MTIF3: variants seen among roughly 807,000 people sequenced by gnomAD.
The protein encoded by MTIF3 is mitochondrial translational initiation factor 3.
MTIF3 carries 13 observed loss-of-function variants against 20.7 expected under a neutral mutation model. That is an observed-to-expected ratio of 0.63 (90% CI 0.41 to 1.00). The LOEUF (loss-of-function observed/expected upper bound fraction) is 1.00, where lower values mean the gene tolerates loss of function less well. Among genes scored for constraint, MTIF3 ranks in the 50% least tolerant of loss-of-function variants. The pLI is 0.00. For missense variants in MTIF3, 295 were observed against 324.5 expected, an observed-to-expected ratio of 0.91 and a Z score of 0.70; for synonymous variants, 114 against 112.5, an observed-to-expected ratio of 1.01 and a Z score of -0.08.
intron 3 of MTIF3, 30 bp from the exon 4 acceptor site, chr13:27,437,303 T>C (rs760034531): frequency 6.2e-7 from 1 of 1,604,450 alleles, no homozygotes; most frequent in Non-Finnish European, 8.5e-7. Flanking sequence ...GTGCAAGGAC[T>C]ACTGACTAGT....
At chr13:27,446,008 T>C (rs1954170963) in intron 1 of MTIF3, among the ~76,000 whole-genome samples, 3 of 152,042 alleles carry the variant, frequency 2.0e-5, no homozygotes, top group Admixed American at 1.3e-4. Flanking sequence ...GGGGAAAATC[T>C]GAATAGGGAC....
intron 2 of MTIF3, 41 bp from the exon 3 acceptor site, chr13:27,440,490 T>C: frequency 6.8e-7 from 1 of 1,472,196 alleles, no homozygotes; most frequent in South Asian, 1.3e-5. Flanking sequence ...ATTCAATCAC[T>C]TATTCCCTTG....
In MTIF3 at chr13:27,440,449, C is replaced by G; in HGVS notation, c.-1G>C. The G allele has an allele frequency of 1.3e-6, 2 of 1,589,204 alleles. No homozygotes were observed. The highest frequency in any genetic ancestry group is 1.1e-5 in the South Asian group (1 of 89,020). On this transcript the variant is annotated splice_region_variant and 5_prime_UTR_variant, in exon 3 of 5. Transcript: ENST00000381120. ...ACCTCTTTAGAAAAAGAGCAGCCATCCTAAGAAAGTAGTAAGAAGAGTTCA... is the reference window on the plus strand; with the variant it reads ...ACCTCTTTAGAAAAAGAGCAGCCATGCTAAGAAAGTAGTAAGAAGAGTTCA...
At position 27,440,182 on chromosome 13, in the gene MTIF3, T is replaced by C. The variant is rs1953951139; in HGVS notation, c.267A>G (p.Leu89=). ...GRKISQRVIH[L]FDEKGNDLGN... is the part of the protein sequence containing the mutation. ...CCAAATCATTGCCCTTCTCATCAAA[T>C]AAGTGAATAACTCGCTGACTAATTT... Residue 89 remains leucine (L), a synonymous_variant, in exon 3 of 5, where the codon TTA becomes TTG. Transcript: ENST00000381120. 6 of 1,614,248 alleles carry C rather than the reference T, an allele frequency of 3.7e-6. No homozygotes were observed. Among genetic ancestry groups the C allele is most frequent in the Non-Finnish European group, 4.2e-6 (5 of 1,180,042 alleles).
chr13:27,436,121 G>A (rs146301498), intron 4 of MTIF3, among the ~76,000 whole-genome samples: 3,597 of 152,128 alleles, frequency 0.024, 71 homozygotes, highest in Admixed American at 0.056. Flanking sequence ...TCTCCACTTC[G>A]TCATGGCACG....
At chr13:27,437,989 C>A (rs1024659476) in intron 3 of MTIF3, among the ~76,000 whole-genome samples, 1 of 151,994 alleles carries the variant, frequency 6.6e-6, no homozygotes, top group African/African-American at 2.4e-5. Context: ...CAACAGAGAA[C>A]CCTATAAATC....
intron 1 of MTIF3, chr13:27,450,244 C>G (rs1358346791): frequency 6.6e-6 from 1 of 152,356 alleles, no homozygotes; most frequent in Non-Finnish European, 1.5e-5. Flanking sequence ...CGGGACGGAA[C>G]TAGAAAAGCT....
At position 27,440,382 on chromosome 13, in the gene MTIF3, A is replaced by C; in HGVS notation, c.67T>G (p.Cys23Gly). The part of the protein sequence containing the change: ...TVKSENSCIR[C>G]FGKHILQKTA... ...TTTTGCAGGATGTGTTTACCAAAAC[A>C]TCTAATGCAACTATTTTCAGACTTT... is the stretch of plus-strand genomic sequence containing the variant. Residue 23 changes from cysteine (C) to glycine (G), a missense_variant, in exon 3 of 5, where the codon TGT becomes GGT. Transcript: ENST00000381120. 1 of 1,614,200 alleles carries C rather than the reference A, an allele frequency of 6.2e-7. No individual in the cohort carries two copies. Among genetic ancestry groups the C allele is most frequent in the Non-Finnish European group, 8.5e-7 (1 of 1,180,034 alleles).
chr13:27,446,893 C>T (rs531826019), intron 1 of MTIF3, among the ~76,000 whole-genome samples: 6 of 152,166 alleles, frequency 3.9e-5, no homozygotes, highest in East Asian at 1.9e-4. Flanking sequence ...ACAATGTATA[C>T]GATTCGGGTG....
chr13:27,439,580 G>A (rs1396427284), intron 3 of MTIF3, among the ~76,000 whole-genome samples: 4 of 152,200 alleles, frequency 2.6e-5, no homozygotes, highest in South Asian at 2.1e-4. Context: ...AAAGGAGGGA[G>A]GTTAAATGAG....
chr13:27,440,493 T>G, intron 2 of MTIF3, 44 bp from the exon 3 acceptor site: 5 of 1,447,904 alleles, frequency 3.5e-6, no homozygotes, highest in African/African-American at 1.4e-5. Context: ...CAATCACTTA[T>G]TCCCTTGGTC....
Position 27,440,120 on chromosome 13 carries a change from T to C in MTIF3, c.329A>G (p.Asp110Gly). Residue 110 changes from aspartate to glycine, a missense_variant, in exon 3 of 5, where the codon GAT (aspartate) becomes GGT (glycine). By Grantham distance (94) the Asp-to-Gly change is moderately conservative. Coordinates refer to ENST00000381120, the MANE Select transcript of MTIF3 (RefSeq NM_152912.5). ...MHRANVIRLM[D>G]ERDLRLVQRN... is the part of the protein sequence containing the mutation. Reference sequence around the variant, plus strand: ...TTGAACCAGTCGCAGGTCTCGCTCATCCATAAGTCTAATCACATTTGCTCG... The same window carrying C: ...TTGAACCAGTCGCAGGTCTCGCTCACCCATAAGTCTAATCACATTTGCTCG... 5.0e-6 allele frequency: 8 copies of C among 1,614,236 alleles called. 1 individual carries two copies. In the South Asian group the frequency reaches 7.7e-5, roughly 16 times the overall value.
At position 27,435,813 on chromosome 13, in the gene MTIF3, T is replaced by A. The variant is rs1407592325; in HGVS notation, c.699A>T (p.Gly233=). Residue 233 remains glycine (G), a synonymous_variant, in exon 5 of 5, where the codon GGA becomes GGT. Transcript: ENST00000381120. ...CACGAAGAACACACATTAAAGCTTT[T>A]CCTCCTTGAACAGCTTGTGGCCTAG... ...FSSRPQAVQG[G]KALMCVLRAF... 1 of 1,614,176 alleles carries A rather than the reference T, an allele frequency of 6.2e-7. No individual in the cohort carries two copies. The highest frequency in any genetic ancestry group is 1.1e-5 in the South Asian group (1 of 91,084).
intron 2 of MTIF3, among the ~76,000 whole-genome samples, chr13:27,444,407 T>C (rs1440715886): frequency 1.3e-5 from 2 of 152,240 alleles, no homozygotes; most frequent in African/African-American, 4.8e-5. Flanking sequence ...TATTGATGTA[T>C]ACAGCAAACA....
chr13:27,442,478 G>C (rs563893844), intron 2 of MTIF3, among the ~76,000 whole-genome samples: 5 of 152,260 alleles, frequency 3.3e-5, no homozygotes, highest in South Asian at 2.1e-4. Context: ...AAATGCGTAA[G>C]TCAGATCACG....
chr13:27,449,941 A>T (rs905366497), intron 1 of MTIF3: 1 of 152,298 alleles, frequency 6.6e-6, no homozygotes, highest in Non-Finnish European at 1.5e-5. Context: ...TGAGAAAAAA[A>T]ATCCCAGTCA....
chr13:27,437,061 T>C, intron 4 of MTIF3, 55 bp downstream of exon 4: 10 of 1,576,192 alleles, frequency 6.3e-6, no homozygotes, highest in Non-Finnish European at 8.6e-6. Context: ...TACAATTGTA[T>C]TTTTAGATCA....
chr13:27,446,108 G>A (rs1047128614), intron 1 of MTIF3, among the ~76,000 whole-genome samples: 3 of 152,070 alleles, frequency 2.0e-5, no homozygotes, highest in Admixed American at 6.5e-5. Context: ...CCAGACTGGA[G>A]TGCAGTGGGG....
intron 2 of MTIF3, among the ~76,000 whole-genome samples, chr13:27,443,559 AATAG>A (rs773056713): frequency 4.6e-5 from 7 of 152,224 alleles, no homozygotes; most frequent in African/African-American, 9.7e-5. Context: ...CATGTTACTA[AATAG>A]ATAGATATAA....
Sources: allele counts gnomAD v4.1 joint callset (sites outside exome capture counted in the v4.1 genomes callset), GRCh38; gene constraint gnomAD v4.1.1; transcripts MANE v1.5; gene names NCBI Gene and HGNC (gene_info 2026-07-23, HGNC 2026-07-21).